Variants in TXNL1 observed in about 807,000 individuals in gnomAD.
TXNL1 encodes thioredoxin-like protein 1.
A neutral mutation model predicts 35.5 loss-of-function variants in TXNL1; 14 were observed. The ratio of observed to expected loss-of-function variants is 0.39; its 90% CI spans 0.26 to 0.62. The LOEUF (loss-of-function observed/expected upper bound fraction) is 0.62, where lower values mean the gene tolerates loss of function less well. Among genes scored for constraint, TXNL1 ranks in the 20% least tolerant of loss-of-function variants. The pLI, the probability that TXNL1 is intolerant of heterozygous loss-of-function variation, is 0.47. For missense variants in TXNL1, 263 were observed against 349.7 expected, an observed-to-expected ratio of 0.75 and a Z score of 1.98; for synonymous variants, 110 against 115.5, an observed-to-expected ratio of 0.95 and a Z score of 0.31.
chr18:56,629,257 C>G (rs1231092101), intron 1 of TXNL1, among the ~76,000 whole-genome samples: 1 of 152,206 alleles, frequency 6.6e-6, no homozygotes, highest in Non-Finnish European at 1.5e-5. Context: ...GCCAGGCACG[C>G]TGGCTCACGC....
At chr18:56,626,566 C>T in intron 1 of TXNL1, 109 bp from the exon 2 acceptor site, 4 of 1,008,108 alleles carry the variant, frequency 4.0e-6, no homozygotes, top group Non-Finnish European at 5.8e-6. Context: ...GCTTTTGACT[C>T]TCTGTTTTTT....
Position 56,610,980 on chromosome 18 carries a change from T to C in TXNL1, c.840+13A>G. 6.5e-7 allele frequency: 1 copy of C among 1,527,680 alleles called. No individual in the cohort carries two copies. Among genetic ancestry groups the C allele is most frequent in the Non-Finnish European group, 8.9e-7 (1 of 1,118,842 alleles). 94.6% of individuals were successfully genotyped at this position (1,527,680 alleles called of 1,614,324 possible). On this transcript the variant is annotated intron_variant, in intron 7 of 7. Coordinates refer to ENST00000217515, the MANE Select transcript of TXNL1 (RefSeq NM_004786.3). ...ATTTTTACTATCCCGAAGTATCATT[T>C]AAGCAAACTTACTCGTTTGAAGTCA...
chr18:56,602,711 A>G lies in TXNL1; in HGVS notation c.*316T>C. The G allele has an allele frequency of 2.5e-6, 1 of 401,214 alleles. No homozygotes were observed. Among genetic ancestry groups the G allele is most frequent in the Non-Finnish European group, 4.4e-6 (1 of 225,202 alleles). The allele number at this position is 401,214 out of a possible 1,614,324, so 24.9% of individuals were successfully genotyped here. ...AGAACAGTTTCTCCTTTTCTAAAGA[A>G]ACTGGCTTTCAATCAATATACTACC... On this transcript the variant is annotated 3_prime_UTR_variant, in exon 8 of 8. Coordinates refer to ENST00000217515, the MANE Select transcript of TXNL1 (RefSeq NM_004786.3).
chr18:56,603,198 G>T, intron 7 of TXNL1, 142 bp from the exon 8 acceptor site: 1 of 646,040 alleles, frequency 1.5e-6, no homozygotes, highest in Non-Finnish European at 2.5e-6. Flanking sequence ...TTTCACTGTT[G>T]AAGCAAACTG....
At chr18:56,628,632 C>T (rs1423109508) in intron 1 of TXNL1, among the ~76,000 whole-genome samples, 1 of 152,230 alleles carries the variant, frequency 6.6e-6, no homozygotes, top group East Asian at 1.9e-4. Flanking sequence ...TCAATGGTAT[C>T]AGAAATCAAG....
At chr18:56,618,487 A>G (rs1450675829) in intron 3 of TXNL1, among the ~76,000 whole-genome samples, 1 of 152,262 alleles carries the variant, frequency 6.6e-6, no homozygotes, top group Non-Finnish European at 1.5e-5. Flanking sequence ...GACTCTTTAT[A>G]TCTATGAAGA....
chr18:56,628,939 C>T (rs373802087), intron 1 of TXNL1, among the ~76,000 whole-genome samples: 1 of 152,208 alleles, frequency 6.6e-6, no homozygotes, highest in South Asian at 2.1e-4. Context: ...AAGCCATACA[C>T]CAAAAATCTA....
Position 56,618,017 on chromosome 18 carries a change from T to C in TXNL1, c.479A>G (p.Asp160Gly), listed in dbSNP as rs745346344. The C allele has an allele frequency of 6.2e-7, 1 of 1,613,962 alleles. No individual in the cohort carries two copies. The highest frequency in any genetic ancestry group is 1.7e-5 in the Admixed American group (1 of 60,024). ...LRKDTTFLESDCDEQLLITVA... is the reference protein window; with the variant it reads ...LRKDTTFLESGCDEQLLITVA... The stretch of plus-strand genomic sequence containing the variant: ...GCCCTCAATTACCTGTTCATCACAG[T>C]CAGATTCCAAGAAGGTTGTGTCTTT... The change falls in exon 4 of 8, where the codon GAC becomes GGC. Residue 160 changes from aspartate (D) to glycine (G), a missense_variant. Asp to Gly is a moderately conservative substitution (Grantham distance 94). Coordinates refer to ENST00000217515, the MANE Select transcript of TXNL1 (RefSeq NM_004786.3).
Position 56,614,533 on chromosome 18 carries a change from G to A in TXNL1, c.626C>T (p.Ala209Val). 1 of 1,613,732 alleles carries A rather than the reference G, an allele frequency of 6.2e-7. No individual in the cohort carries two copies. The highest frequency in any genetic ancestry group is 8.5e-7 in the Non-Finnish European group (1 of 1,179,926). The change falls in exon 6 of 8, where the codon GCA becomes GTA. Residue 209 changes from alanine to valine, a missense_variant. Ala to Val is a moderately conservative substitution (Grantham distance 64). Coordinates refer to ENST00000217515, the MANE Select transcript of TXNL1 (RefSeq NM_004786.3). ...AGCTTGAGTTGGTTCACTTCTTTCT[G>A]CCTCTTCAAAATCCATAGATCGGGG... is the stretch of plus-strand genomic sequence containing the variant. ...NLPRSMDFEE[A>V]ERSEPTQALE...
At position 56,611,088 on chromosome 18, in the gene TXNL1, G is replaced by C. The variant is rs749954448; in HGVS notation, c.745C>G (p.Gln249Glu). The C allele has an allele frequency of 1.1e-5, 18 of 1,596,134 alleles. No homozygotes were observed. Among genetic ancestry groups the C allele is most frequent in the Non-Finnish European group, 1.4e-5 (16 of 1,174,206 alleles). The change falls in exon 7 of 8, where the codon CAG (glutamine) becomes GAG (glutamate). Residue 249 changes from glutamine to glutamate, a missense_variant. Physicochemically the swap from Gln to Glu is conservative, Grantham distance 29. Coordinates refer to ENST00000217515, the MANE Select transcript of TXNL1 (RefSeq NM_004786.3). Reference sequence around the variant, plus strand: ...GTTTCCTCTTCACCTTGATTCGACTGAACAAATATCTACCAAAAAAAAGTT... The same window carrying C: ...GTTTCCTCTTCACCTTGATTCGACTCAACAAATATCTACCAAAAAAAAGTT... ...QNVNSVTIFV[Q>E]SNQGEEETTR...
At position 56,601,182 on chromosome 18, in the gene TXNL1, T is replaced by C. The variant is rs2023806238; in HGVS notation, c.*1845A>G. 6.6e-6 allele frequency: 1 copy of C among 152,204 alleles called. No individual in the cohort carries two copies. Among genetic ancestry groups the C allele is most frequent in the Non-Finnish European group, 1.5e-5 (1 of 68,022 alleles). 9.4% of individuals were successfully genotyped at this position (152,204 alleles called of 1,614,324 possible). A position where few individuals can be genotyped will look rare whatever the true frequency, so the allele number is the denominator to read the frequency against. ...TCAGTTTGATATTTTAAATGCCAAT[T>C]ATGCACATTTATAATAGTAAGATTT... On this transcript the variant is annotated 3_prime_UTR_variant, in exon 8 of 8. Transcript: ENST00000217515.
At chr18:56,622,362 G>T (rs1051549677) in intron 3 of TXNL1, among the ~76,000 whole-genome samples, 2 of 152,062 alleles carry the variant, frequency 1.3e-5, no homozygotes, top group Admixed American at 1.3e-4. Context: ...CAGCCATAAA[G>T]AATATTTTGG....
Position 56,638,374 on chromosome 18 carries a change from T to G in TXNL1, c.67A>C (p.Arg23=). The part of the protein sequence containing the change: ...FQPELSGAGS[R]LAVVKFTMRG... ...ATGGTGAACTTGACCACGGCGAGTC[T>G]GGAGCCCGCGCCGCTCAGCTCTGGC... is the stretch of plus-strand genomic sequence containing the variant. Residue 23 remains arginine (R), a synonymous_variant, in exon 1 of 8, where the codon AGA becomes CGA. Coordinates refer to ENST00000217515, the MANE Select transcript of TXNL1 (RefSeq NM_004786.3). 6.2e-7 allele frequency: 1 copy of G among 1,613,566 alleles called. No homozygotes were observed. The highest frequency in any genetic ancestry group is 8.5e-7 in the Non-Finnish European group (1 of 1,179,736).
At chr18:56,629,817 C>T (rs1361603603) in intron 1 of TXNL1, among the ~76,000 whole-genome samples, 1 of 152,060 alleles carries the variant, frequency 6.6e-6, no homozygotes, top group Non-Finnish European at 1.5e-5. Flanking sequence ...AAAACACACA[C>T]CAAAAAGAGA....
At chr18:56,617,798 G>C (rs1295774718) in intron 4 of TXNL1, among the ~76,000 whole-genome samples, 1 of 152,180 alleles carries the variant, frequency 6.6e-6, no homozygotes, top group Non-Finnish European at 1.5e-5. Context: ...ATTTTTCTTA[G>C]TGCACCTGGC....
Position 56,638,416 on chromosome 18 carries a change from T to C in TXNL1, c.25A>G (p.Ser9Gly). 6.2e-7 allele frequency: 1 copy of C among 1,613,220 alleles called. No homozygotes were observed. Among genetic ancestry groups the C allele is most frequent in the Non-Finnish European group, 8.5e-7 (1 of 1,179,660 alleles). Reference sequence around the variant, plus strand: ...AGCTCTGGCTGGAAATCCGGGTCGCTCCCGACGGGCTTCACCCCCACCATC... The same window carrying C: ...AGCTCTGGCTGGAAATCCGGGTCGCCCCCGACGGGCTTCACCCCCACCATC... MVGVKPVG[S>G]DPDFQPELSG... Residue 9 changes from serine (S) to glycine (G), a missense_variant, in exon 1 of 8, where the codon AGC (serine) becomes GGC (glycine). Physicochemically the swap from Ser to Gly is moderately conservative, Grantham distance 56. Coordinates refer to ENST00000217515, the MANE Select transcript of TXNL1 (RefSeq NM_004786.3).
In TXNL1 at chr18:56,607,543, C is replaced by T. The variant is rs139059677; in HGVS notation, c.840+3450G>A. ...ATATGTACAGATGCTCCTCGACTTCCGATGGGGTAATATATCCCGATTAAA... is the reference window on the plus strand; with the variant it reads ...ATATGTACAGATGCTCCTCGACTTCTGATGGGGTAATATATCCCGATTAAA... On this transcript the variant is annotated intron_variant, in intron 7 of 7. Coordinates refer to ENST00000217515, the MANE Select transcript of TXNL1 (RefSeq NM_004786.3). Among the ~76,000 whole-genome samples, 75 of 152,116 alleles carry T rather than the reference C, an allele frequency of 4.9e-4. 1 individual carries two copies. In the East Asian group the frequency reaches 0.01, roughly 21 times the overall value.
In TXNL1 at chr18:56,619,210, T is replaced by A. The variant is rs112719313; in HGVS notation, c.370-1084A>T. On this transcript the variant is annotated intron_variant, in intron 3 of 7. Coordinates refer to ENST00000217515, the MANE Select transcript of TXNL1 (RefSeq NM_004786.3). Reference sequence around the variant, plus strand: ...GCCCAGGCAGCAGAGCAAGACCCTGTCTCAAAAAAAAAAAAAAAAAAAAAG... The same window carrying A: ...GCCCAGGCAGCAGAGCAAGACCCTGACTCAAAAAAAAAAAAAAAAAAAAAG... 4.8e-3 allele frequency among the ~76,000 whole-genome samples: 611 copies of A among 127,684 alleles called. 5 individuals are homozygous for A. Among genetic ancestry groups the A allele is most frequent in the Middle Eastern group, 0.018 (4 of 218 alleles). The allele number at this position is 127,684 out of a possible 152,430, so 83.8% of individuals were successfully genotyped here.
At position 56,598,463 on chromosome 18, in the gene TXNL1, AG is replaced by A. The variant is rs1403829853; in HGVS notation, c.*4563del. ...TAGGAATTGGTCAGATGGAAAAGTTAGGTCAGAGGAAGGCATGCGATATTAG... is the reference window on the plus strand; with the variant it reads ...TAGGAATTGGTCAGATGGAAAAGTTAGTCAGAGGAAGGCATGCGATATTAG... On this transcript the variant is annotated 3_prime_UTR_variant, in exon 8 of 8. Transcript: ENST00000217515. 1 of 152,252 alleles carries A rather than the reference AG, an allele frequency of 6.6e-6. No individual in the cohort carries two copies. The highest frequency in any genetic ancestry group is 1.5e-5 in the Non-Finnish European group (1 of 68,088). 9.4% of individuals were successfully genotyped at this position (152,252 alleles called of 1,614,324 possible). A position where few individuals can be genotyped will look rare whatever the true frequency, so the allele number is the denominator to read the frequency against.
Sources: gnomAD v4.1 joint callset for allele counts (sites outside exome capture counted in the v4.1 genomes callset) on GRCh38, gnomAD v4.1.1 for gene constraint, MANE v1.5 for transcripts, NCBI Gene and HGNC (gene_info 2026-07-23, HGNC 2026-07-21) for gene names.